Variants in TPST2 observed in about 807,000 individuals in gnomAD.
TPST2 encodes protein-tyrosine sulfotransferase 2.
In TPST2, 16 loss-of-function variants were observed where a neutral mutation model predicts 27.8. The observed-to-expected ratio is 0.58, with a 90% CI of 0.39 to 0.88. The LOEUF is 0.88. Among genes scored for constraint, TPST2 ranks in the 40% least tolerant of loss-of-function variants. TPST2 has a pLI of 0.00. For synonymous variants in TPST2, 229 were observed against 231.7 expected (o/e 0.99, Z 0.10); for missense variants, 464 against 543.1 (o/e 0.85, Z 1.45).
intron 1 of TPST2, among the ~76,000 whole-genome samples, chr22:26,575,016 A>G (rs1393996484): frequency 6.6e-6 from 1 of 152,104 alleles, no homozygotes; most frequent in African/African-American, 2.4e-5. Flanking sequence ...TCAAGATTTG[A>G]GCCCTCCCTA....
intron 1 of TPST2, among the ~76,000 whole-genome samples, chr22:26,552,255 G>A (rs16982321): frequency 0.27 from 40,469 of 152,004 alleles, 5,525 homozygotes; most frequent in African/African-American, 0.28. Context: ...TAAGGAACGC[G>A]TGGTCCGGTC....
chr22:26,564,497 G>T (rs1414034698), intron 1 of TPST2, among the ~76,000 whole-genome samples: 6 of 152,190 alleles, frequency 3.9e-5, no homozygotes, highest in African/African-American at 1.4e-4. Context: ...AGGAGGGAAA[G>T]TGCTCCAGGG....
intron 1 of TPST2, among the ~76,000 whole-genome samples, chr22:26,575,998 A>G (rs1927821172): frequency 1.4e-5 from 2 of 144,204 alleles, no homozygotes; most frequent in African/African-American, 5.0e-5. Flanking sequence ...TCCATCTCAA[A>G]ATAAATAAAT....
At position 26,530,631 on chromosome 22, in the gene TPST2, C is replaced by CAAAAAAAAAAAAAAAAAAAAAAAA. The variant is rs34776057; in HGVS notation, c.1092+2063_1092+2064insTTTTTTTTTTTTTTTTTTTTTTTT. On this transcript the variant is annotated intron_variant, in intron 5 of 6. Transcript: ENST00000338754. ...TGGGTGACACAGTGAAACCCCATCT[C>CAAAAAAAAAAAAAAAAAAAAAAAA]AAAAAAAAAAAGGAATCAGCAGGAG... 9.3e-5 allele frequency among the ~76,000 whole-genome samples: 11 copies of CAAAAAAAAAAAAAAAAAAAAAAAA among 118,286 alleles called. 1 individual carries two copies. The highest frequency in any genetic ancestry group is 2.6e-4 in the African/African-American group (8 of 30,846). The allele number at this position is 118,286 out of a possible 152,430, so 77.6% of individuals were successfully genotyped here. A position where few individuals can be genotyped will look rare whatever the true frequency, so the allele number is the denominator to read the frequency against.
chr22:26,564,820 T>C (rs1024668971), intron 1 of TPST2, among the ~76,000 whole-genome samples: 9 of 152,116 alleles, frequency 5.9e-5, no homozygotes, highest in Non-Finnish European at 8.8e-5. Context: ...GTTATAGCCA[T>C]GGAAGGGGTA....
At chr22:26,566,008 G>C (rs1189874342) in intron 1 of TPST2, among the ~76,000 whole-genome samples, 1 of 152,156 alleles carries the variant, frequency 6.6e-6, no homozygotes, top group East Asian at 1.9e-4. Context: ...ATGAGTATCT[G>C]TTCTGAAATT....
At chr22:26,582,521 C>T (rs1472916155) in intron 1 of TPST2, among the ~76,000 whole-genome samples, 2 of 152,276 alleles carry the variant, frequency 1.3e-5, no homozygotes, top group Non-Finnish European at 2.9e-5. Context: ...TCTGAGAGGC[C>T]TGGGTACTCA....
intron 3 of TPST2, among the ~76,000 whole-genome samples, chr22:26,537,000 G>A (rs894826080): frequency 2.0e-5 from 3 of 152,060 alleles, no homozygotes; most frequent in African/African-American, 4.8e-5. Flanking sequence ...CAGTGAGCCT[G>A]AGCTGTGATT....
intron 1 of TPST2, among the ~76,000 whole-genome samples, chr22:26,588,752 C>T (rs1040754633): frequency 1.3e-5 from 2 of 151,916 alleles, no homozygotes; most frequent in African/African-American, 2.4e-5. Context: ...GAAAATGCGT[C>T]GCCCGGGCCA....
At chr22:26,588,672 C>A (rs73163240) in intron 1 of TPST2, among the ~76,000 whole-genome samples, 29,033 of 151,944 alleles carry the variant, frequency 0.19, 2,858 homozygotes, top group Middle Eastern at 0.21. Context: ...CAGAAATGAC[C>A]CAACAGTTCC....
intron 1 of TPST2, among the ~76,000 whole-genome samples, chr22:26,582,339 A>T (rs1412567302): frequency 6.6e-6 from 1 of 152,190 alleles, no homozygotes; most frequent in Non-Finnish European, 1.5e-5. Flanking sequence ...GGGCAGGAGA[A>T]TCGCTTGAAC....
At chr22:26,564,592 C>A (rs1303708637) in intron 1 of TPST2, among the ~76,000 whole-genome samples, 1 of 152,196 alleles carries the variant, frequency 6.6e-6, no homozygotes, top group Non-Finnish European at 1.5e-5. Context: ...TGGGCTCCTA[C>A]CACTCACTGC....
At chr22:26,574,031 A>G (rs1927735393) in intron 1 of TPST2, among the ~76,000 whole-genome samples, 1 of 152,144 alleles carries the variant, frequency 6.6e-6, no homozygotes, top group African/African-American at 2.4e-5. Context: ...CTCATGGTTC[A>G]CTGTTTTGGG....
intron 1 of TPST2, among the ~76,000 whole-genome samples, chr22:26,576,960 G>T (rs1382881563): frequency 1.3e-5 from 2 of 151,940 alleles, no homozygotes; most frequent in African/African-American, 4.8e-5. Flanking sequence ...GCCGGGCGTG[G>T]TGGCAGATGC....
intron 2 of TPST2, among the ~76,000 whole-genome samples, chr22:26,542,236 C>A (rs996564090): frequency 1.6e-5 from 2 of 126,190 alleles, no homozygotes; most frequent in African/African-American, 2.9e-5. Context: ...AGCGAGACTC[C>A]GTCTAAAAAA....
intron 1 of TPST2, among the ~76,000 whole-genome samples, chr22:26,589,056 G>A (rs922346902): frequency 2.2e-4 from 34 of 152,104 alleles, no homozygotes; most frequent in African/African-American, 7.7e-4. Flanking sequence ...GGATAAGTAG[G>A]AGTTCAACAG....
At chr22:26,535,441 A>T (rs1295171236) in intron 4 of TPST2, among the ~76,000 whole-genome samples, 1 of 152,234 alleles carries the variant, frequency 6.6e-6, no homozygotes, top group Non-Finnish European at 1.5e-5. Context: ...TCAACTTGTT[A>T]ACTGTTCTTT....
At chr22:26,567,034 T>C (rs534835739) in intron 1 of TPST2, among the ~76,000 whole-genome samples, 2 of 152,228 alleles carry the variant, frequency 1.3e-5, no homozygotes, top group South Asian at 4.1e-4. Context: ...ACCAAAAATG[T>C]CCCCAGGCAT....
At chr22:26,545,923 TAA>T (rs1926096857) in intron 1 of TPST2, among the ~76,000 whole-genome samples, 1 of 151,666 alleles carries the variant, frequency 6.6e-6, no homozygotes. Flanking sequence ...CTACAAAAAA[TAA>T]AAAGTTATCC....
Sources: allele counts gnomAD v4.1 joint callset (sites outside exome capture counted in the v4.1 genomes callset), GRCh38; gene constraint gnomAD v4.1.1; transcripts MANE v1.5; gene names NCBI Gene and HGNC (gene_info 2026-07-23, HGNC 2026-07-21).